PCDHA4: variants seen among roughly 807,000 people sequenced by gnomAD.
The protein encoded by PCDHA4 is protocadherin alpha 4.
PCDHA4 carries 49 observed loss-of-function variants against 61.4 expected under a neutral mutation model. The observed-to-expected ratio is 0.80, with a 90% CI of 0.63 to 1.01. The LOEUF (loss-of-function observed/expected upper bound fraction) is 1.01, where lower values mean the gene tolerates loss of function less well. PCDHA4 is among the 50% of genes least tolerant of loss of function. The pLI is 0.00. For synonymous variants in PCDHA4, 590 were observed against 550.3 expected (o/e 1.07, Z -1.01); for missense variants, 1,254 against 1,235.8 (o/e 1.01, Z -0.22).
intron 1 of PCDHA4, among the ~76,000 whole-genome samples, chr5:140,919,693 T>C (rs1383014744): frequency 6.6e-6 from 1 of 152,234 alleles, no homozygotes; most frequent in Admixed American, 6.5e-5. Context: ...TTCAGATTTA[T>C]ATTAACTTAA....
At chr5:140,970,753 C>T (rs1282500516) in intron 1 of PCDHA4, among the ~76,000 whole-genome samples, 1 of 152,176 alleles carries the variant, frequency 6.6e-6, no homozygotes, top group Non-Finnish European at 1.5e-5. Context: ...AATATATTTT[C>T]ATTGACATAT....
intron 1 of PCDHA4, among the ~76,000 whole-genome samples, chr5:140,965,377 A>T (rs1479954226): frequency 6.6e-6 from 1 of 152,190 alleles, no homozygotes; most frequent in African/African-American, 2.4e-5. Context: ...AAACTTGGGG[A>T]CACAGAAGAA....
intron 1 of PCDHA4, among the ~76,000 whole-genome samples, chr5:140,890,187 CAG>C (rs2062529084): frequency 1.3e-5 from 2 of 152,228 alleles, no homozygotes; most frequent in South Asian, 4.1e-4. Context: ...TGCTACAAAA[CAG>C]AGTTTTTTGT....
chr5:140,875,290 A>T (rs1321351883), intron 1 of PCDHA4: 20 of 1,396,906 alleles, frequency 1.4e-5, no homozygotes, highest in East Asian at 7.6e-5. Context: ...AAACAGGAAA[A>T]TTTTTTTCTC....
At chr5:140,850,136 C>A in intron 1 of PCDHA4, 1 of 1,595,682 alleles carries the variant, frequency 6.3e-7, no homozygotes, top group Non-Finnish European at 8.6e-7. Context: ...CTCTGGGCAG[C>A]AACGTGACGC....
intron 1 of PCDHA4, chr5:140,866,792 A>T (rs2049578190): frequency 6.6e-6 from 1 of 152,208 alleles, no homozygotes; most frequent in Non-Finnish European, 1.5e-5. Flanking sequence ...CTGATATAGT[A>T]AAAGTCAGGC....
chr5:140,841,736 A>C, intron 1 of PCDHA4: 1 of 1,613,716 alleles, frequency 6.2e-7, no homozygotes, highest in South Asian at 1.1e-5. Flanking sequence ...AAAAGACCAA[A>C]AGCTGTTTGT....
At chr5:140,875,647 C>T (rs1554167823) in intron 1 of PCDHA4, 1 of 1,613,694 alleles carries the variant, frequency 6.2e-7, no homozygotes, top group Non-Finnish European at 8.5e-7. Context: ...GCTGGCGGAG[C>T]TGGTGCCGCG....
chr5:140,919,529 TC>T (rs2079177812), intron 1 of PCDHA4, among the ~76,000 whole-genome samples: 1 of 152,196 alleles, frequency 6.6e-6, no homozygotes. Context: ...TCTCTTTTTT[TC>T]CTATACTTTT....
At chr5:140,950,458 A>G (rs568340492) in intron 1 of PCDHA4, among the ~76,000 whole-genome samples, 5 of 152,142 alleles carry the variant, frequency 3.3e-5, no homozygotes, top group Admixed American at 2.6e-4. Flanking sequence ...CTGTCTTCTA[A>G]TGCTCATAGT....
intron 1 of PCDHA4, chr5:140,841,584 C>G (rs2150318562): frequency 1.2e-6 from 2 of 1,614,028 alleles, no homozygotes; most frequent in South Asian, 1.1e-5. Flanking sequence ...TTTGTGAATT[C>G]TCGGATCGAC....
chr5:140,888,753 A>G (rs1237459726), intron 1 of PCDHA4, among the ~76,000 whole-genome samples: 1 of 149,022 alleles, frequency 6.7e-6, no homozygotes, highest in Non-Finnish European at 1.5e-5. Flanking sequence ...TATTCTACCC[A>G]CTTTTTTTTT....
Position 140,912,120 on chromosome 5 carries a change from G to A in PCDHA4, c.2386-66829G>A, listed in dbSNP as rs371645551. On this transcript the variant is annotated intron_variant, in intron 1 of 3. Transcript: ENST00000530339. ...AGAAAGATGTAGGCTGGGAGGCTAA[G>A]TCAGTCTAATCTCTCCATGTTCTTC... Among the ~76,000 whole-genome samples the A allele has an allele frequency of 1.7e-4, 26 of 152,328 alleles. 3 individuals are homozygous for A. In the East Asian group the frequency reaches 1.9e-3, roughly 11 times the overall value.
intron 1 of PCDHA4, among the ~76,000 whole-genome samples, chr5:140,891,306 A>G (rs1452305510): frequency 6.6e-6 from 1 of 152,034 alleles, no homozygotes; most frequent in African/African-American, 2.4e-5. Flanking sequence ...ATTTGATTAC[A>G]TGAGTAAGTT....
chr5:140,877,668 C>A (rs782433528), intron 1 of PCDHA4: 58 of 1,613,452 alleles, frequency 3.6e-5, no homozygotes, highest in Admixed American at 5.0e-5. Flanking sequence ...TGAGCCGGTG[C>A]GCGCCGGGCA....
chr5:140,916,733 A>G (rs1242424937), intron 1 of PCDHA4, among the ~76,000 whole-genome samples: 1 of 152,146 alleles, frequency 6.6e-6, no homozygotes, highest in Non-Finnish European at 1.5e-5. Flanking sequence ...TTGTTGCTGC[A>G]AGCTTCACTG....
chr5:140,901,234 T>C (rs1013983503), intron 1 of PCDHA4, among the ~76,000 whole-genome samples: 1 of 152,156 alleles, frequency 6.6e-6, no homozygotes, highest in Non-Finnish European at 1.5e-5. Flanking sequence ...ATATATCCAT[T>C]TTTTTCCTTT....
At chr5:140,819,221 T>C (rs2150103384) in intron 1 of PCDHA4, among the ~76,000 whole-genome samples, 1 of 152,322 alleles carries the variant, frequency 6.6e-6, no homozygotes, top group East Asian at 1.9e-4. Context: ...ATACAATTGC[T>C]TCAACATTTC....
chr5:140,918,918 C>T (rs1338973615), intron 1 of PCDHA4, among the ~76,000 whole-genome samples: 1 of 152,224 alleles, frequency 6.6e-6, no homozygotes, highest in Non-Finnish European at 1.5e-5. Context: ...ATTAACTACA[C>T]AGCATATGGC....
Sources: gnomAD v4.1 joint callset for allele counts (sites outside exome capture counted in the v4.1 genomes callset) on GRCh38, gnomAD v4.1.1 for gene constraint, MANE v1.5 for transcripts, NCBI Gene and HGNC (gene_info 2026-07-23, HGNC 2026-07-21) for gene names.